The following SUGCT variants were observed in gnomAD, a reference collection of about 807,000 sequenced individuals.
The protein encoded by SUGCT is succinyl-CoA:glutarate CoA-transferase.
Under a neutral mutation model 55.0 loss-of-function variants are expected in SUGCT, and 41 were observed. The ratio of observed to expected loss-of-function variants is 0.74; its 90% CI spans 0.58 to 0.97. The LOEUF (loss-of-function observed/expected upper bound fraction) is 0.97, where lower values mean the gene tolerates loss of function less well. SUGCT is among the 50% of genes least tolerant of loss of function. SUGCT has a pLI of 0.00. For missense variants in SUGCT, 568 were observed against 547.8 expected (o/e 1.04, Z -0.37); for synonymous variants, 187 against 200.4 (o/e 0.93, Z 0.56).
chr7:41,033,053 C>T, the SUGCT span, among the ~76,000 whole-genome samples: 1 of 152,154 alleles, frequency 6.6e-6, no homozygotes, highest in African/African-American at 2.4e-5. Flanking sequence ...TGAGCCACTG[C>T]GTGGGGCCAA....
chr7:40,746,063 C>T (rs1787713717), intron 12 of SUGCT, among the ~76,000 whole-genome samples: 1 of 152,186 alleles, frequency 6.6e-6, no homozygotes, highest in Admixed American at 6.5e-5. Context: ...GTAGTTCCTT[C>T]ATTTCCAATG....
At chr7:40,142,182 G>A (rs1310981963) in intron 1 of SUGCT, among the ~76,000 whole-genome samples, 10 of 152,002 alleles carry the variant, frequency 6.6e-5, no homozygotes, top group South Asian at 2.1e-4. Flanking sequence ...GCAGGTAATC[G>A]GAATGAGTCA....
chr7:40,416,431 A>T (rs1787004078), intron 9 of SUGCT, among the ~76,000 whole-genome samples: 1 of 151,750 alleles, frequency 6.6e-6, no homozygotes, highest in Admixed American at 6.6e-5. Context: ...TTTATATATA[A>T]ATACTATATT....
intron 9 of SUGCT, among the ~76,000 whole-genome samples, chr7:40,350,637 A>G (rs918144925): frequency 2.6e-5 from 4 of 151,782 alleles, no homozygotes. Flanking sequence ...GGCCTATTAT[A>G]TTTAGATTTT....
At chr7:40,226,799 T>A in intron 6 of SUGCT, among the ~76,000 whole-genome samples, 1 of 151,900 alleles carries the variant, frequency 6.6e-6, no homozygotes, top group Non-Finnish European at 1.5e-5. Flanking sequence ...AAAATGAAAT[T>A]TGCATATCAC....
At chr7:40,245,423 A>ATATATATTTT (rs1344678220) in intron 7 of SUGCT, among the ~76,000 whole-genome samples, 1 of 54,588 alleles carries the variant, frequency 1.8e-5, no homozygotes, top group Non-Finnish European at 3.3e-5. Context: ...ATATATATAT[A>ATATATATTTT]TTTTTTTTTT....
chr7:40,458,889 G>A, intron 10 of SUGCT, among the ~76,000 whole-genome samples: 1 of 152,062 alleles, frequency 6.6e-6, no homozygotes, highest in Non-Finnish European at 1.5e-5. Flanking sequence ...TTGCTTAAAT[G>A]TAGTAAAAGC....
the SUGCT span, among the ~76,000 whole-genome samples, chr7:40,963,491 T>G: frequency 2.3e-4 from 35 of 152,344 alleles, no homozygotes; most frequent in East Asian, 6.8e-3. Context: ...GTAACCTGAA[T>G]AGCAGGATAT....
chr7:40,714,568 A>T (rs1212035627), intron 12 of SUGCT, among the ~76,000 whole-genome samples: 1 of 152,170 alleles, frequency 6.6e-6, no homozygotes, highest in African/African-American at 2.4e-5. Flanking sequence ...AATGAAAACC[A>T]TGTGCTTGTG....
the SUGCT span, among the ~76,000 whole-genome samples, chr7:41,030,102 AT>A: frequency 6.6e-6 from 1 of 152,152 alleles, no homozygotes; most frequent in South Asian, 2.1e-4. Flanking sequence ...CACTTGTTTT[AT>A]TGTTGATTAA....
chr7:40,767,189 C>A (rs1416296708), intron 13 of SUGCT, among the ~76,000 whole-genome samples: 1 of 152,108 alleles, frequency 6.6e-6, no homozygotes, highest in African/African-American at 2.4e-5. Flanking sequence ...CAGGAATTGA[C>A]CCCCTGCATT....
chr7:40,661,203 T>C (rs1562931779), intron 12 of SUGCT, among the ~76,000 whole-genome samples: 4 of 152,238 alleles, frequency 2.6e-5, no homozygotes, highest in Admixed American at 2.6e-4. Context: ...CCTCAATCTA[T>C]AATTCTTAGA....
chr7:40,296,096 T>C (rs1435811758), intron 8 of SUGCT, among the ~76,000 whole-genome samples: 1 of 152,184 alleles, frequency 6.6e-6, no homozygotes, highest in African/African-American at 2.4e-5. Context: ...TGTTAATAGT[T>C]TGGATGCCTT....
chr7:40,772,542 C>G (rs1789187600), intron 13 of SUGCT, among the ~76,000 whole-genome samples: 6 of 149,782 alleles, frequency 4.0e-5, no homozygotes, highest in South Asian at 2.1e-4. Flanking sequence ...ATCTATCTAT[C>G]TATCTATCTA....
At position 40,719,956 on chromosome 7, in the gene SUGCT, C is replaced by T. The variant is rs530452558; in HGVS notation, c.1090-29478C>T. 3.5e-4 allele frequency among the ~76,000 whole-genome samples: 53 copies of T among 152,160 alleles called. 1 individual carries two copies. The highest frequency in any genetic ancestry group is 2.0e-3 in the Admixed American group (31 of 15,282). ...GATTACAGGTGTCTGCCACTACGCC[C>T]GGCTAATTTTTGTATTTTTAGTAGA... On this transcript the variant is annotated intron_variant, in intron 12 of 13. Coordinates refer to ENST00000335693, the MANE Select transcript of SUGCT (RefSeq NM_001193313.2).
intron 9 of SUGCT, among the ~76,000 whole-genome samples, chr7:40,357,988 A>C (rs1469378797): frequency 2.0e-5 from 3 of 152,192 alleles, no homozygotes; most frequent in African/African-American, 7.2e-5. Flanking sequence ...CTGCTTTAAG[A>C]CTTGGCACAT....
intron 12 of SUGCT, chr7:40,538,021 T>G (rs1794462556): frequency 6.6e-6 from 1 of 152,188 alleles, no homozygotes; most frequent in South Asian, 2.1e-4. Flanking sequence ...TTTCCTTTGC[T>G]TAGTTTATTT....
chr7:40,254,549 A>G (rs1790665827), intron 7 of SUGCT, among the ~76,000 whole-genome samples: 1 of 151,488 alleles, frequency 6.6e-6, no homozygotes, highest in Non-Finnish European at 1.5e-5. Flanking sequence ...AGGTACCACC[A>G]CACCCAGCTA....
chr7:40,898,170 C>T, the SUGCT span, among the ~76,000 whole-genome samples: 7 of 149,140 alleles, frequency 4.7e-5, no homozygotes, highest in Admixed American at 2.6e-4. Flanking sequence ...GAACTTAAGT[C>T]GGGAGGACTG....
Sources: allele counts gnomAD v4.1 joint callset (sites outside exome capture counted in the v4.1 genomes callset), GRCh38; gene constraint gnomAD v4.1.1; transcripts MANE v1.5; gene names NCBI Gene and HGNC (gene_info 2026-07-23, HGNC 2026-07-21).